The following KCNAB2 variants were observed in gnomAD, a reference collection of about 807,000 sequenced individuals.
KCNAB2 encodes voltage-gated potassium channel subunit beta-2.
In KCNAB2, 29 loss-of-function variants were observed where a neutral mutation model predicts 63.6. That is an observed-to-expected ratio of 0.46 (90% confidence interval 0.34 to 0.62). The LOEUF (loss-of-function observed/expected upper bound fraction) is 0.62. Among genes scored for constraint, KCNAB2 ranks in the 20% least tolerant of loss-of-function variants. The probability of loss-of-function intolerance (pLI) is 0.01; values close to 1 mark genes in which losing one functional copy is unlikely to be tolerated. For synonymous variants in KCNAB2, 222 were observed against 224.2 expected (o/e 0.99, Z 0.09); for missense variants, 359 against 563.9 (o/e 0.64, Z 3.68).
chr1:6,066,446 GA>G (rs1344098206), intron 2 of KCNAB2, among the ~76,000 whole-genome samples: 2 of 152,252 alleles, frequency 1.3e-5, no homozygotes, highest in African/African-American at 2.4e-5. Context: ...TAGATGATGA[GA>G]AACAGCGTGG....
chr1:6,033,278 CGTGTGTGGGCATGTGG>C (rs61083276), upstream of KCNAB2, among the ~76,000 whole-genome samples: 10,423 of 145,552 alleles, frequency 0.072, 648 homozygotes, highest in East Asian at 0.32. Flanking sequence ...TGTGCATGTG[CGTGTGTGGGCATGTGG>C]GTGTGCATAT....
rs922015661 is a variant in KCNAB2 at position 6,088,994 on chromosome 1, G to A, written c.471-14G>A. The stretch of plus-strand genomic sequence containing the variant: ...ACCGCTGGTGACATCACACGCGGTC[G>A]GCCTGTTTTCCAGGGCGGAGACGGA... On this transcript the variant is annotated splice_polypyrimidine_tract_variant and intron_variant, in intron 7 of 15. Coordinates refer to ENST00000378083, the MANE Select transcript of KCNAB2 (RefSeq NM_001199862.2). 5 of 1,547,996 alleles carry A rather than the reference G, an allele frequency of 3.2e-6. No individual in the cohort carries two copies. The South Asian group carries it at 3.6e-5, about 11-fold the overall frequency.
intron 1 of KCNAB2, among the ~76,000 whole-genome samples, chr1:6,011,655 C>G (rs1658155937): frequency 6.6e-6 from 1 of 152,262 alleles, no homozygotes; most frequent in Non-Finnish European, 1.5e-5. Context: ...ATGAAAAGAT[C>G]TGCTGTTGAG....
chr1:6,013,387 A>T (rs1214033064), intron 1 of KCNAB2, among the ~76,000 whole-genome samples: 1 of 152,006 alleles, frequency 6.6e-6, no homozygotes, highest in Non-Finnish European at 1.5e-5. Flanking sequence ...TTGAGCAGGA[A>T]CCCCAAGGAA....
chr1:6,022,014 G>C (rs1297006673), intron 1 of KCNAB2, among the ~76,000 whole-genome samples: 1 of 151,888 alleles, frequency 6.6e-6, no homozygotes, highest in East Asian at 1.9e-4. Flanking sequence ...CGGTGGTATT[G>C]AGTGTACAGT....
In KCNAB2 at chr1:6,013,208, T is replaced by C. The variant is rs1469886106; in HGVS notation, c.-53+20420T>C. The stretch of plus-strand genomic sequence containing the variant: ...GCACCAATGAGGTGTCAGTTCCTGT[T>C]CCGGGCATGAGGGATTCAGCAGGAA... On this transcript the variant is annotated intron_variant, in intron 1 of 16. Coordinates refer to the KCNAB2 transcript ENST00000341524. 3.3e-5 allele frequency among the ~76,000 whole-genome samples: 5 copies of C among 152,252 alleles called. No individual in the cohort carries two copies. In the East Asian group the frequency reaches 9.7e-4, roughly 29 times the overall value.
intron 1 of KCNAB2, among the ~76,000 whole-genome samples, chr1:5,995,290 G>T (rs1656882136): frequency 6.6e-6 from 1 of 152,182 alleles, no homozygotes. Context: ...CTTGCTCTCA[G>T]AGGACTAAAC....
intron 1 of KCNAB2, chr1:6,026,567 C>G (rs752311710): frequency 1.3e-5 from 2 of 152,444 alleles, no homozygotes; most frequent in African/African-American, 4.8e-5. Flanking sequence ...ATTGTGCCAG[C>G]CTGAACCCCT....
upstream of KCNAB2, among the ~76,000 whole-genome samples, chr1:6,045,002 C>T (rs548808056): frequency 1.3e-5 from 2 of 152,156 alleles, no homozygotes; most frequent in Non-Finnish European, 2.9e-5. The surrounding 1 kb of genome is among the most constrained non-coding windows in gnomAD (Gnocchi z 4.8). Flanking sequence ...CCGACCAGGG[C>T]GACATGTGGG....
upstream of KCNAB2, among the ~76,000 whole-genome samples, chr1:6,031,767 T>C (rs578088417): frequency 3.3e-5 from 5 of 151,064 alleles, no homozygotes; most frequent in East Asian, 9.7e-4. The surrounding 1 kb of genome is among the most constrained non-coding windows in gnomAD (Gnocchi z 4.1). Context: ...CACACATCTC[T>C]GATCCCAGCT....
At position 6,069,562 on chromosome 1, in the gene KCNAB2, CT is replaced by C. The variant is rs1663026797; in HGVS notation, c.219-3192del. 6.6e-6 allele frequency among the ~76,000 whole-genome samples: 1 copy of C among 152,174 alleles called. No individual in the cohort carries two copies. The highest frequency in any genetic ancestry group is 2.1e-4 in the South Asian group (1 of 4,832). ...ATTTGGGTTTCGAGATGTTGACCAC[CT>C]GCTTCATTAGGATGTCAGGTTTCAA... On this transcript the variant is annotated intron_variant, in intron 2 of 15. Coordinates refer to ENST00000378083, the MANE Select transcript of KCNAB2 (RefSeq NM_001199862.2). The surrounding 1 kb of genome is among the most constrained non-coding windows in gnomAD (Gnocchi z 5.4).
chr1:6,062,215 G>A (rs1662376100), intron 2 of KCNAB2, among the ~76,000 whole-genome samples: 1 of 152,052 alleles, frequency 6.6e-6, no homozygotes, highest in South Asian at 2.1e-4. Flanking sequence ...TCGGGAGGCT[G>A]AGGTAGGAGA....
Position 6,046,077 on chromosome 1 carries a change from A to G in KCNAB2, c.-133A>G. On this transcript the variant is annotated 5_prime_UTR_variant, in exon 1 of 16. Coordinates refer to ENST00000378083, the MANE Select transcript of KCNAB2 (RefSeq NM_001199862.2). Reference sequence around the variant, plus strand: ...CAATTGCTTCTGACGTCCTGCAGTGACACTCCCTAATGAAAAAGCCGCTGT... The same window carrying G: ...CAATTGCTTCTGACGTCCTGCAGTGGCACTCCCTAATGAAAAAGCCGCTGT... 1.3e-5 allele frequency: 13 copies of G among 985,380 alleles called. No homozygotes were observed. Among genetic ancestry groups the G allele is most frequent in the Non-Finnish European group, 1.6e-5 (13 of 829,924 alleles). 61.0% of individuals were successfully genotyped at this position (985,380 alleles called of 1,614,324 possible).
At chr1:6,050,087 A>G (rs761804338) in intron 1 of KCNAB2, among the ~76,000 whole-genome samples, 4 of 151,642 alleles carry the variant, frequency 2.6e-5, no homozygotes, top group Non-Finnish European at 5.9e-5. Context: ...GGACATCTCA[A>G]CCCCCTTCAA....
At position 6,046,097 on chromosome 1, in the gene KCNAB2, C is replaced by T. The variant is rs1164770994; in HGVS notation, c.-113C>T. The stretch of plus-strand genomic sequence containing the variant: ...CAGTGACACTCCCTAATGAAAAAGC[C>T]GCTGTGCCAGATCCTTAGAGTGTCT... On this transcript the variant is annotated 5_prime_UTR_variant, in exon 1 of 16. Coordinates refer to ENST00000378083, the MANE Select transcript of KCNAB2 (RefSeq NM_001199862.2). 9.1e-6 allele frequency: 9 copies of T among 985,310 alleles called. No individual in the cohort carries two copies. The highest frequency in any genetic ancestry group is 8.7e-5 in the African/African-American group (5 of 57,240). The allele number at this position is 985,310 out of a possible 1,614,324, so 61.0% of individuals were successfully genotyped here. A position where few individuals can be genotyped will look rare whatever the true frequency, so the allele number is the denominator to read the frequency against.
At chr1:6,070,824 G>C (rs927963799) in intron 2 of KCNAB2, among the ~76,000 whole-genome samples, 2 of 152,132 alleles carry the variant, frequency 1.3e-5, no homozygotes, top group African/African-American at 4.8e-5. Context: ...GTTGTACCAG[G>C]ATTTGGGCTC....
chr1:6,040,527 C>G (rs944132453), exon 2 of KCNAB2: 2 of 1,565,800 alleles, frequency 1.3e-6, no homozygotes, highest in African/African-American at 1.4e-5. Context: ...AATTTTCCCA[C>G]TGTAAAAAAC....
Position 6,086,942 on chromosome 1 carries a change from T to A in KCNAB2, c.426-525T>A, listed in dbSNP as rs1664753691. Among the ~76,000 whole-genome samples, 1 of 151,952 alleles carries A rather than the reference T, an allele frequency of 6.6e-6. No homozygotes were observed. The highest frequency in any genetic ancestry group is 2.4e-5 in the African/African-American group (1 of 41,344). ...CCCGACCAGGCCGTCCCACACAGATTTTCTGCAACACGTGTCACATTCTGT... is the reference window on the plus strand; with the variant it reads ...CCCGACCAGGCCGTCCCACACAGATATTCTGCAACACGTGTCACATTCTGT... On this transcript the variant is annotated intron_variant, in intron 6 of 15. Coordinates refer to ENST00000378083, the MANE Select transcript of KCNAB2 (RefSeq NM_001199862.2). The surrounding 1 kb of genome is among the most constrained non-coding windows in gnomAD (Gnocchi z 4.2).
At chr1:6,062,824 CG>C (rs1662431198) in intron 2 of KCNAB2, among the ~76,000 whole-genome samples, 1 of 152,136 alleles carries the variant, frequency 6.6e-6, no homozygotes, top group African/African-American at 2.4e-5. Flanking sequence ...ATATAATTCA[CG>C]TGCCATACAA....
Sources: allele counts gnomAD v4.1 joint callset (sites outside exome capture counted in the v4.1 genomes callset), GRCh38; gene constraint gnomAD v4.1.1; non-coding constraint Gnocchi (gnomAD v3.1); transcripts MANE v1.5; gene names NCBI Gene and HGNC (gene_info 2026-07-23, HGNC 2026-07-21).